Variants in GALNT1 observed in about 807,000 individuals in gnomAD.
GALNT1 encodes GalNAc transferase 1.
In GALNT1, 17 loss-of-function variants were observed where a neutral mutation model predicts 65.7. The ratio of observed to expected loss-of-function variants is 0.26; its 90% CI spans 0.18 to 0.39. GALNT1 has a LOEUF of 0.39. GALNT1 is among the 10% of genes least tolerant of loss of function. The probability of loss-of-function intolerance (pLI) is 1.00; values close to 1 mark genes in which losing one functional copy is unlikely to be tolerated. For synonymous variants in GALNT1, 210 were observed against 219.7 expected, an observed-to-expected ratio of 0.96 and a Z score of 0.39; for missense variants, 460 against 672.8, an observed-to-expected ratio of 0.68 and a Z score of 3.50.
chr18:35,705,766 T>C (rs775181352), intron 11 of GALNT1, among the ~76,000 whole-genome samples: 2 of 152,270 alleles, frequency 1.3e-5, no homozygotes, highest in Admixed American at 6.5e-5. Flanking sequence ...AATAGGGATT[T>C]ATTTTTCTTA....
chr18:35,631,725 A>G (rs1431427358), intron 1 of GALNT1, among the ~76,000 whole-genome samples: 1 of 152,084 alleles, frequency 6.6e-6, no homozygotes, highest in African/African-American at 2.4e-5. Flanking sequence ...GGCAGGAGAA[A>G]GAAATAAAGG....
intron 1 of GALNT1, among the ~76,000 whole-genome samples, chr18:35,598,334 C>A (rs2143928984): frequency 6.6e-6 from 1 of 152,120 alleles, no homozygotes; most frequent in South Asian, 2.1e-4. Flanking sequence ...TGTGCCTGGA[C>A]AATCTAACTG....
At chr18:35,628,036 T>C (rs2046943122) in intron 1 of GALNT1, among the ~76,000 whole-genome samples, 1 of 152,198 alleles carries the variant, frequency 6.6e-6, no homozygotes, top group South Asian at 2.1e-4. Context: ...CACCCGCCAT[T>C]GCTGAGGCTT....
intron 2 of GALNT1, among the ~76,000 whole-genome samples, chr18:35,657,019 T>A (rs1466596250): frequency 6.6e-6 from 1 of 152,158 alleles, no homozygotes; most frequent in East Asian, 1.9e-4. Flanking sequence ...GAATTGATGC[T>A]CCTTAGAAGA....
rs1226181200 is a variant in GALNT1 at position 35,711,407 on chromosome 18, T to TA, written c.*1638dup. ...AGTTGAGTGTACACAAAGTTTCTCA[T>TA]ATCCTGTTCAAGTTAATCAACATCA... On this transcript the variant is annotated 3_prime_UTR_variant, in exon 12 of 12. Transcript: ENST00000269195. The TA allele has an allele frequency of 6.6e-6, 1 of 152,650 alleles. No homozygotes were observed. The highest frequency in any genetic ancestry group is 1.5e-5 in the Non-Finnish European group (1 of 68,042). The allele number at this position is 152,650 out of a possible 1,614,324, so 9.5% of individuals were successfully genotyped here. A position where few individuals can be genotyped will look rare whatever the true frequency, so the allele number is the denominator to read the frequency against.
chr18:35,629,818 C>T (rs903311900), intron 1 of GALNT1, among the ~76,000 whole-genome samples: 4 of 152,102 alleles, frequency 2.6e-5, no homozygotes, highest in African/African-American at 4.8e-5. Flanking sequence ...AAACCCATCT[C>T]GTGCAGAGAC....
chr18:35,709,897 C>T lies in GALNT1; in HGVS notation c.*127C>T, dbSNP rs543295308. Reference sequence around the variant, plus strand: ...CTCCTCTGCAGGATGTAAGGTTTATCAGCCATTAAAACTTAGACTTCTCTA... The same window carrying T: ...CTCCTCTGCAGGATGTAAGGTTTATTAGCCATTAAAACTTAGACTTCTCTA... On this transcript the variant is annotated 3_prime_UTR_variant, in exon 12 of 12. Coordinates refer to ENST00000269195, the MANE Select transcript of GALNT1 (RefSeq NM_020474.4). 5.3e-6 allele frequency: 6 copies of T among 1,128,280 alleles called. No individual in the cohort carries two copies. In the East Asian group the frequency reaches 1.5e-4, roughly 29 times the overall value. 69.9% of individuals were successfully genotyped at this position (1,128,280 alleles called of 1,614,324 possible). A position where few individuals can be genotyped will look rare whatever the true frequency, so the allele number is the denominator to read the frequency against.
At chr18:35,683,108 TAACA>T (rs2047811078) in intron 4 of GALNT1, among the ~76,000 whole-genome samples, 1 of 149,278 alleles carries the variant, frequency 6.7e-6, no homozygotes, top group Non-Finnish European at 1.5e-5. Flanking sequence ...GAATTGAGTC[TAACA>T]GAGTTACTTA....
chr18:35,703,743 A>C (rs551242766), intron 11 of GALNT1, 100 bp downstream of exon 11: 2 of 1,205,484 alleles, frequency 1.7e-6, no homozygotes, highest in South Asian at 3.3e-5. Context: ...GACCTTGAAT[A>C]TGGATCAAAC....
chr18:35,628,153 C>T (rs537336), intron 1 of GALNT1, among the ~76,000 whole-genome samples: 53,377 of 152,004 alleles, frequency 0.35, 9,898 homozygotes, highest in Middle Eastern at 0.52. Flanking sequence ...AGGGCATAGC[C>T]GAACAAAAGG....
intron 6 of GALNT1, among the ~76,000 whole-genome samples, chr18:35,688,579 A>G (rs1450968749): frequency 6.6e-6 from 1 of 152,164 alleles, no homozygotes. Flanking sequence ...CAGAAAATAT[A>G]CCACACAGTC....
rs200167139 is a variant in GALNT1 at position 35,603,922 on chromosome 18, A to AT, written c.-104+22067dup. 9.8e-3 allele frequency among the ~76,000 whole-genome samples: 1,484 copies of AT among 151,984 alleles called. 24 individuals are homozygous for AT. The highest frequency in any genetic ancestry group is 0.033 in the African/African-American group (1,368 of 41,442). ...TAAGGAAATAAGAGGGTTTTTCTTT[A>AT]TTTTTTTCTTTCCAACTTTTAGGTT... is the stretch of plus-strand genomic sequence containing the variant. On this transcript the variant is annotated intron_variant, in intron 1 of 11. Transcript: ENST00000269195.
chr18:35,686,891 G>A, intron 5 of GALNT1, 125 bp from the exon 6 acceptor site: 1 of 854,094 alleles, frequency 1.2e-6, no homozygotes, highest in Non-Finnish European at 1.7e-6. Context: ...GGTGGTGACA[G>A]AGTAGTGATA....
intron 1 of GALNT1, among the ~76,000 whole-genome samples, chr18:35,647,336 A>G (rs1203382412): frequency 1.3e-5 from 2 of 152,194 alleles, no homozygotes; most frequent in Non-Finnish European, 2.9e-5. Context: ...CCAACTCTGA[A>G]CTTCATAAAG....
intron 2 of GALNT1, among the ~76,000 whole-genome samples, chr18:35,659,575 A>G (rs983698753): frequency 2.6e-5 from 4 of 152,068 alleles, no homozygotes; most frequent in African/African-American, 9.7e-5. Flanking sequence ...TATCCACTTT[A>G]TGGATTTGGG....
At chr18:35,636,780 T>TTTG (rs1331700043) in intron 1 of GALNT1, among the ~76,000 whole-genome samples, 1 of 141,818 alleles carries the variant, frequency 7.1e-6, no homozygotes, top group Non-Finnish European at 1.5e-5. Flanking sequence ...CAGATACTAC[T>TTTG]TTGTTTTTTT....
intron 1 of GALNT1, among the ~76,000 whole-genome samples, chr18:35,640,812 A>G (rs1293839208): frequency 6.6e-6 from 1 of 152,244 alleles, no homozygotes; most frequent in East Asian, 1.9e-4. Context: ...ACTCCTTTAG[A>G]GAGAGCTTTC....
At chr18:35,655,919 T>G (rs543147049) in intron 2 of GALNT1, among the ~76,000 whole-genome samples, 1 of 152,330 alleles carries the variant, frequency 6.6e-6, no homozygotes, top group South Asian at 2.1e-4. Flanking sequence ...AACTTAAATT[T>G]TCACTTTTTC....
intron 5 of GALNT1, among the ~76,000 whole-genome samples, chr18:35,685,394 G>T (rs1445211040): frequency 6.6e-6 from 1 of 151,470 alleles, no homozygotes; most frequent in East Asian, 1.9e-4. Flanking sequence ...ATGAAAAAGG[G>T]TTCACTGAAA....
Sources: gnomAD v4.1 joint callset for allele counts (sites outside exome capture counted in the v4.1 genomes callset) on GRCh38, gnomAD v4.1.1 for gene constraint, MANE v1.5 for transcripts, NCBI Gene and HGNC (gene_info 2026-07-23, HGNC 2026-07-21) for gene names.